TUFT1: variants seen among roughly 807,000 people sequenced by gnomAD.
The protein encoded by TUFT1 is tuftelin 1.
In TUFT1, 43 loss-of-function variants were observed where a neutral mutation model predicts 57.8. The ratio of observed to expected loss-of-function variants is 0.74; its 90% CI spans 0.58 to 0.96. TUFT1 has a LOEUF of 0.96. Ranked by LOEUF, TUFT1 falls within the 40% of genes least tolerant of loss-of-function variation. The pLI is 0.00. For synonymous variants in TUFT1, 166 were observed against 176.7 expected, an observed-to-expected ratio of 0.94 and a Z score of 0.48; for missense variants, 459 against 489.0, an observed-to-expected ratio of 0.94 and a Z score of 0.58.
At chr1:151,556,011 C>A (rs12753658) in intron 1 of TUFT1, among the ~76,000 whole-genome samples, 55,393 of 151,836 alleles carry the variant, frequency 0.36, 10,466 homozygotes, top group Non-Finnish European at 0.41. Flanking sequence ...TCCTCCCCCC[C>A]ACTTTCTTCT....
chr1:151,564,491 C>T, intron 4 of TUFT1, 34 bp from the exon 5 acceptor site: 1 of 1,558,588 alleles, frequency 6.4e-7, no homozygotes, highest in Non-Finnish European at 8.8e-7. Context: ...CTTTCTCTAC[C>T]CTAAAGCTCA....
At chr1:151,569,590 G>T (rs954467441) in intron 6 of TUFT1, 67 bp from the exon 7 acceptor site, 56 of 1,315,392 alleles carry the variant, frequency 4.3e-5, no homozygotes, top group Non-Finnish European at 4.4e-5. Context: ...TGCCTGGGAG[G>T]GGGGACCTTT....
At position 151,574,840 on chromosome 1, in the gene TUFT1, G is replaced by A. The variant is rs542762080; in HGVS notation, c.724-71G>A. 2.0e-3 allele frequency: 2,718 copies of A among 1,335,452 alleles called. 3 individuals carry two copies. The highest frequency in any genetic ancestry group is 2.6e-3 in the Non-Finnish European group (2,517 of 951,956). The allele number at this position is 1,335,452 out of a possible 1,614,324, so 82.7% of individuals were successfully genotyped here. The stretch of plus-strand genomic sequence containing the variant: ...AGTAGGGGCTGAGTCCCAGCCTGGC[G>A]CCCATCTTAGCCCAAACGCAGAAAC... On this transcript the variant is annotated intron_variant, in intron 8 of 12. Coordinates refer to ENST00000368849, the MANE Select transcript of TUFT1 (RefSeq NM_020127.3).
chr1:151,564,044 AT>A, intron 4 of TUFT1, 54 bp downstream of exon 4: 3 of 1,417,036 alleles, frequency 2.1e-6, no homozygotes, highest in Non-Finnish European at 2.9e-6. Flanking sequence ...TAAATCTCAC[AT>A]TTTTTGTGAC....
chr1:151,565,256 T>G (rs1374088612), intron 5 of TUFT1, among the ~76,000 whole-genome samples: 1 of 152,244 alleles, frequency 6.6e-6, no homozygotes, highest in Non-Finnish European at 1.5e-5. Context: ...CCTGGGATCC[T>G]GCTTTTCAGT....
rs186053263 is a variant in TUFT1 at position 151,543,201 on chromosome 1, C to T, written c.60+2775C>T. ...TGTTTTTCAGAACTGCAGACCATAA[C>T]CAGTAGTGGGTCTGAGATCAACTTA... On this transcript the variant is annotated intron_variant, in intron 1 of 12. Coordinates refer to ENST00000368849, the MANE Select transcript of TUFT1 (RefSeq NM_020127.3). 1.1e-4 allele frequency among the ~76,000 whole-genome samples: 16 copies of T among 152,132 alleles called. No homozygotes were observed. The East Asian group carries it at 2.7e-3, about 26-fold the overall frequency.
chr1:151,572,479 A>ATTTC (rs1666288105), intron 7 of TUFT1, among the ~76,000 whole-genome samples: 2 of 152,130 alleles, frequency 1.3e-5, no homozygotes, highest in Admixed American at 1.3e-4. Context: ...ATGTACAGAA[A>ATTTC]TGTACATAAA....
At chr1:151,547,023 G>C (rs1449821362) in intron 1 of TUFT1, among the ~76,000 whole-genome samples, 1 of 152,168 alleles carries the variant, frequency 6.6e-6, no homozygotes, top group African/African-American at 2.4e-5. Context: ...TCTGAGTGTG[G>C]GGAAAAACTG....
intron 7 of TUFT1, among the ~76,000 whole-genome samples, chr1:151,572,387 C>T (rs528932652): frequency 5.9e-5 from 9 of 151,878 alleles, no homozygotes; most frequent in African/African-American, 1.2e-4. Context: ...CCTTTTGCTC[C>T]GACAGTGGGG....
chr1:151,570,649 A>T (rs1274882804), intron 7 of TUFT1, among the ~76,000 whole-genome samples: 1 of 152,154 alleles, frequency 6.6e-6, no homozygotes, highest in South Asian at 2.1e-4. Context: ...CCCCTACTAT[A>T]TGTGAGGTCT....
At chr1:151,544,201 G>A (rs768318115) in intron 1 of TUFT1, among the ~76,000 whole-genome samples, 3 of 151,682 alleles carry the variant, frequency 2.0e-5, no homozygotes, top group African/African-American at 4.8e-5. Context: ...GGCTAGTCTT[G>A]AACTCCTGGT....
At chr1:151,568,516 C>T (rs1666150240) in intron 6 of TUFT1, among the ~76,000 whole-genome samples, 1 of 152,014 alleles carries the variant, frequency 6.6e-6, no homozygotes, top group Admixed American at 6.5e-5. Flanking sequence ...GAAAGTTTTC[C>T]ATGTCATTAA....
chr1:151,544,650 G>A (rs1372784998), intron 1 of TUFT1, among the ~76,000 whole-genome samples: 4 of 152,206 alleles, frequency 2.6e-5, no homozygotes, highest in African/African-American at 9.6e-5. Flanking sequence ...AGGCTGGAGT[G>A]CAACGACGTG....
intron 1 of TUFT1, among the ~76,000 whole-genome samples, chr1:151,554,448 G>A (rs191993207): frequency 2.0e-4 from 30 of 152,184 alleles, no homozygotes; most frequent in Admixed American, 6.5e-4. Flanking sequence ...TGCCCAGGTC[G>A]GAGTGCAGTG....
chr1:151,566,676 T>G (rs1265036746), intron 6 of TUFT1, among the ~76,000 whole-genome samples: 1 of 152,150 alleles, frequency 6.6e-6, no homozygotes, highest in Non-Finnish European at 1.5e-5. Context: ...ACAACCATAT[T>G]TAAATATCAT....
In TUFT1 at chr1:151,565,962, C is replaced by T. The variant is rs188326651; in HGVS notation, c.415-201C>T. 146 of 472,916 alleles carry T rather than the reference C, an allele frequency of 3.1e-4. 1 individual carries two copies. The highest frequency in any genetic ancestry group is 1.1e-3 in the South Asian group (40 of 35,400). 29.3% of individuals were successfully genotyped at this position (472,916 alleles called of 1,614,324 possible). On this transcript the variant is annotated intron_variant, in intron 5 of 12. Transcript: ENST00000368849. ...CTAGAAATCTTTTCTTCTTTCGCTTCGTTCCTTCTTCCTCTTCTCCTTTCT... is the reference window on the plus strand; with the variant it reads ...CTAGAAATCTTTTCTTCTTTCGCTTTGTTCCTTCTTCCTCTTCTCCTTTCT...
intron 7 of TUFT1, among the ~76,000 whole-genome samples, chr1:151,571,935 C>T (rs979769193): frequency 6.6e-6 from 1 of 151,866 alleles, no homozygotes; most frequent in African/African-American, 2.4e-5. Context: ...GTGGCTCACA[C>T]CTGTGAGCCA....
At chr1:151,545,276 C>T (rs1481272208) in intron 1 of TUFT1, among the ~76,000 whole-genome samples, 2 of 152,088 alleles carry the variant, frequency 1.3e-5, no homozygotes, top group Non-Finnish European at 2.9e-5. Context: ...CGCCATTGCA[C>T]TCCAGCCTGG....
chr1:151,568,226 G>C (rs1666143217), intron 6 of TUFT1, among the ~76,000 whole-genome samples: 1 of 151,802 alleles, frequency 6.6e-6, no homozygotes, highest in Non-Finnish European at 1.5e-5. Flanking sequence ...TCAGTTTTTT[G>C]TTTTTTGTTT....
Sources: allele counts gnomAD v4.1 joint callset (sites outside exome capture counted in the v4.1 genomes callset), GRCh38; gene constraint gnomAD v4.1.1; transcripts MANE v1.5; gene names NCBI Gene and HGNC (gene_info 2026-07-23, HGNC 2026-07-21).